Variants in KIF16B observed in about 807,000 individuals in gnomAD.
KIF16B encodes kinesin family member 16B.
KIF16B carries 98 observed loss-of-function variants against 156.3 expected under a neutral mutation model. That is an observed-to-expected ratio of 0.63 (90% CI 0.53 to 0.74). The LOEUF (loss-of-function observed/expected upper bound fraction) is 0.74, where lower values mean the gene tolerates loss of function less well. Ranked by LOEUF, KIF16B falls within the 30% of genes least tolerant of loss-of-function variation. KIF16B has a pLI of 0.00. For missense variants in KIF16B, 1,421 were observed against 1,606.5 expected (o/e 0.88, Z 1.97); for synonymous variants, 564 against 583.7 (o/e 0.97, Z 0.49).
chr20:16,442,247 G>C (rs1007289825), intron 12 of KIF16B, among the ~76,000 whole-genome samples: 4 of 152,044 alleles, frequency 2.6e-5, no homozygotes, highest in Non-Finnish European at 5.9e-5. Context: ...AAAATGCTGA[G>C]AGAGTGGATG....
At chr20:16,442,678 G>A (rs1467200148) in intron 12 of KIF16B, among the ~76,000 whole-genome samples, 2 of 152,020 alleles carry the variant, frequency 1.3e-5, no homozygotes, top group South Asian at 4.2e-4. Flanking sequence ...TTGGAGTAGG[G>A]TGGGAGGAGA....
chr20:16,384,442 T>A (rs1368446938), intron 17 of KIF16B, among the ~76,000 whole-genome samples: 1 of 152,264 alleles, frequency 6.6e-6, no homozygotes, highest in East Asian at 1.9e-4. Context: ...GGAAAGCTAA[T>A]AAAATCAGCT....
At chr20:16,446,345 C>T (rs1443546392) in intron 12 of KIF16B, among the ~76,000 whole-genome samples, 3 of 152,138 alleles carry the variant, frequency 2.0e-5, no homozygotes, top group South Asian at 2.1e-4. Flanking sequence ...AACACCAGAT[C>T]GGGGTTAGTT....
intron 12 of KIF16B, among the ~76,000 whole-genome samples, chr20:16,485,478 G>A (rs2068088065): frequency 6.6e-6 from 1 of 152,118 alleles, no homozygotes; most frequent in Non-Finnish European, 1.5e-5. Flanking sequence ...TAAGAGATTC[G>A]AAGATGAGCA....
At chr20:16,513,234 A>G (rs1461577025) in intron 4 of KIF16B, among the ~76,000 whole-genome samples, 1 of 141,532 alleles carries the variant, frequency 7.1e-6, no homozygotes, top group Non-Finnish European at 1.6e-5. Context: ...TGTACAATAA[A>G]TGTTAAAAAT....
At chr20:16,361,980 G>A (rs890551645) in intron 22 of KIF16B, among the ~76,000 whole-genome samples, 1 of 152,208 alleles carries the variant, frequency 6.6e-6, no homozygotes, top group Non-Finnish European at 1.5e-5. Context: ...TTTGAACAAT[G>A]TATCAATTAA....
chr20:16,455,395 T>A (rs1474907562), intron 12 of KIF16B, among the ~76,000 whole-genome samples: 1 of 151,414 alleles, frequency 6.6e-6, no homozygotes, highest in Non-Finnish European at 1.5e-5. Flanking sequence ...AAGAAAAAAA[T>A]TAAACATTAT....
chr20:16,476,961 A>G (rs1035140460), intron 12 of KIF16B, among the ~76,000 whole-genome samples: 1 of 151,886 alleles, frequency 6.6e-6, no homozygotes, highest in Non-Finnish European at 1.5e-5. Flanking sequence ...GTTGGCTAGG[A>G]TGGTCTCGAT....
chr20:16,558,859 A>G (rs1269867640), intron 1 of KIF16B, among the ~76,000 whole-genome samples: 8 of 139,314 alleles, frequency 5.7e-5, no homozygotes, highest in African/African-American at 2.1e-4. Context: ...AGCCCAGATC[A>G]TGTCACTGCA....
intron 4 of KIF16B, among the ~76,000 whole-genome samples, chr20:16,514,885 CA>C (rs10564862): frequency 0.041 from 2,492 of 60,698 alleles, 70 homozygotes; most frequent in African/African-American, 0.18. Flanking sequence ...GATTCCATCT[CA>C]AAAAAAAAAA....
intron 10 of KIF16B, among the ~76,000 whole-genome samples, chr20:16,500,498 C>T (rs1394755152): frequency 6.6e-6 from 1 of 152,112 alleles, no homozygotes; most frequent in African/African-American, 2.4e-5. Flanking sequence ...TGTGAGCTTT[C>T]ACAGAATGAG....
chr20:16,405,410 C>T (rs535009389), intron 16 of KIF16B, among the ~76,000 whole-genome samples: 25 of 152,248 alleles, frequency 1.6e-4, no homozygotes, highest in African/African-American at 5.8e-4. Flanking sequence ...AAAAACGACC[C>T]TCTAGGGAGA....
At chr20:16,550,852 A>G (rs1353398608) in intron 1 of KIF16B, among the ~76,000 whole-genome samples, 1 of 151,902 alleles carries the variant, frequency 6.6e-6, no homozygotes, top group Admixed American at 6.6e-5. Flanking sequence ...TCTAAACTAG[A>G]AGTTTTAAAA....
At chr20:16,298,972 C>T (rs2063432062) in intron 25 of KIF16B, among the ~76,000 whole-genome samples, 1 of 151,472 alleles carries the variant, frequency 6.6e-6, no homozygotes, top group Non-Finnish European at 1.5e-5. Context: ...TCAACCAATG[C>T]TATGTGTAAA....
At chr20:16,458,990 A>C (rs1315086280) in intron 12 of KIF16B, among the ~76,000 whole-genome samples, 1 of 152,228 alleles carries the variant, frequency 6.6e-6, no homozygotes, top group Non-Finnish European at 1.5e-5. Flanking sequence ...TTTAAAAATG[A>C]AAATTAATCA....
intron 15 of KIF16B, among the ~76,000 whole-genome samples, chr20:16,410,078 T>TATATATATGTACGTAC (rs1568948537): frequency 3.2e-5 from 4 of 125,362 alleles, no homozygotes; most frequent in African/African-American, 1.2e-4. Flanking sequence ...TAGGTACATA[T>TATATATATGTACGTAC]ATATATATGT....
intron 12 of KIF16B, among the ~76,000 whole-genome samples, chr20:16,485,305 C>G (rs6034501): frequency 1.5e-3 from 226 of 152,260 alleles, no homozygotes; most frequent in African/African-American, 5.0e-3. Flanking sequence ...GAAATAATCA[C>G]AGTCTGTTTA....
intron 15 of KIF16B, among the ~76,000 whole-genome samples, chr20:16,414,283 C>A (rs1007794281): frequency 6.6e-6 from 1 of 152,054 alleles, no homozygotes; most frequent in Non-Finnish European, 1.5e-5. Flanking sequence ...TCAAGCAGGA[C>A]ATATGGCTTG....
At chr20:16,527,352 A>C (rs767018707) in intron 2 of KIF16B, among the ~76,000 whole-genome samples, 3 of 152,208 alleles carry the variant, frequency 2.0e-5, no homozygotes, top group Admixed American at 6.5e-5. Context: ...CCCAGCTTCT[A>C]CCATTGGAGA....
Sources: allele counts gnomAD v4.1 joint callset (sites outside exome capture counted in the v4.1 genomes callset), GRCh38; gene constraint gnomAD v4.1.1; transcripts MANE v1.5; gene names NCBI Gene and HGNC (gene_info 2026-07-23, HGNC 2026-07-21).